Variants in FAM178B observed in about 807,000 individuals in gnomAD.
FAM178B encodes family with sequence similarity 178 member B, also known as protein FAM178B.
A neutral mutation model predicts 91.7 loss-of-function variants in FAM178B; 82 were observed. The observed-to-expected ratio is 0.89, with a 90% CI of 0.75 to 1.07. FAM178B has a LOEUF of 1.07. FAM178B is among the 50% of genes least tolerant of loss of function. The probability of loss-of-function intolerance (pLI) is 0.00; values close to 1 mark genes in which losing one functional copy is unlikely to be tolerated. For synonymous variants in FAM178B, 368 were observed against 359.4 expected, an observed-to-expected ratio of 1.02 and a Z score of -0.27; for missense variants, 769 against 846.7, an observed-to-expected ratio of 0.91 and a Z score of 1.14.
At chr2:96,889,677 C>CAAATAAATAAATAAAT (rs371885604) in intron 14 of FAM178B, among the ~76,000 whole-genome samples, 64 of 126,592 alleles carry the variant, frequency 5.1e-4, no homozygotes, top group Admixed American at 1.6e-3. Context: ...GACTCTGTCT[C>CAAATAAATAAATAAAT]AAATAAATAA....
At chr2:96,888,464 G>A (rs900145848) in intron 14 of FAM178B, among the ~76,000 whole-genome samples, 7 of 152,234 alleles carry the variant, frequency 4.6e-5, no homozygotes, top group African/African-American at 1.7e-4. Context: ...CTGTGCCCAG[G>A]GGAACACATG....
intron 13 of FAM178B, chr2:96,895,139 TTTCC>T: frequency 7.8e-7 from 1 of 1,287,342 alleles, no homozygotes; most frequent in Non-Finnish European, 1.0e-6. Flanking sequence ...TTCCCGCTCT[TTTCC>T]TTCCAGGGGA....
chr2:96,948,457 T>A (rs530690454), intron 7 of FAM178B, among the ~76,000 whole-genome samples: 1 of 152,206 alleles, frequency 6.6e-6, no homozygotes, highest in Non-Finnish European at 1.5e-5. Flanking sequence ...TCTGGGATCC[T>A]TATCTGAATG....
chr2:96,877,836 C>A, intron 16 of FAM178B, 54 bp downstream of exon 16: 1 of 1,569,980 alleles, frequency 6.4e-7, no homozygotes, highest in Non-Finnish European at 8.6e-7. Flanking sequence ...TCTGGCCAGC[C>A]CTGCCTGACC....
intron 1 of FAM178B, among the ~76,000 whole-genome samples, chr2:96,975,015 C>T (rs1417889712): frequency 3.7e-5 from 5 of 136,342 alleles, no homozygotes; most frequent in South Asian, 2.3e-4. Flanking sequence ...CGTTTGAACC[C>T]GGGAGGCGGA....
At chr2:96,889,376 CTCA>C (rs2080609603) in intron 14 of FAM178B, among the ~76,000 whole-genome samples, 1 of 152,048 alleles carries the variant, frequency 6.6e-6, no homozygotes, top group South Asian at 2.1e-4. Context: ...ATTAAAAAAC[CTCA>C]TCAATAGAAC....
At chr2:96,877,853 C>A in intron 16 of FAM178B, 37 bp downstream of exon 16, 9 of 1,599,560 alleles carry the variant, frequency 5.6e-6, no homozygotes, top group Non-Finnish European at 7.7e-6. Context: ...GACCACTTCC[C>A]GCCCCTCCCA....
chr2:96,910,308 G>A (rs899227923), intron 12 of FAM178B, among the ~76,000 whole-genome samples: 5 of 151,956 alleles, frequency 3.3e-5, no homozygotes, highest in African/African-American at 1.2e-4. Flanking sequence ...TGTCTCCCAG[G>A]AGCAGTGAGA....
intron 14 of FAM178B, among the ~76,000 whole-genome samples, chr2:96,884,631 C>T (rs1574184545): frequency 6.6e-6 from 1 of 152,196 alleles, no homozygotes; most frequent in Non-Finnish European, 1.5e-5. Context: ...AAAGGGGATG[C>T]ATTTTCCTAG....
chr2:96,985,012 G>C (rs905409860), intron 1 of FAM178B, among the ~76,000 whole-genome samples: 1 of 152,166 alleles, frequency 6.6e-6, no homozygotes, highest in African/African-American at 2.4e-5. Flanking sequence ...CACAAAGAAA[G>C]ACACAAACTG....
At chr2:96,929,119 CT>C in intron 9 of FAM178B, 86 bp downstream of exon 9, 1 of 949,592 alleles carries the variant, frequency 1.1e-6, no homozygotes, top group Non-Finnish European at 1.7e-6. Flanking sequence ...GATTATACCC[CT>C]GTATTCCAGT....
intron 14 of FAM178B, among the ~76,000 whole-genome samples, chr2:96,885,451 G>C (rs978309510): frequency 6.6e-6 from 1 of 152,236 alleles, no homozygotes; most frequent in Non-Finnish European, 1.5e-5. Flanking sequence ...TGGGCCCTGA[G>C]CAGCCCTGGC....
At chr2:96,914,685 C>G (rs1204831244) in intron 12 of FAM178B, among the ~76,000 whole-genome samples, 1 of 152,098 alleles carries the variant, frequency 6.6e-6, no homozygotes, top group Non-Finnish European at 1.5e-5. Flanking sequence ...GCCCAGGGGT[C>G]TAAGACCAGG....
At position 96,972,275 on chromosome 2, in the gene FAM178B, C is replaced by T; in HGVS notation, c.190G>A (p.Asp64Asn). Residue 64 changes from aspartate (D) to asparagine (N), a missense_variant, in exon 3 of 17, where the codon GAT becomes AAT. Transcript: ENST00000490605. ...TVPILLYNLE[D>N]GLSDHPLDQG... ...TCCAGGGGATGGTCTGACAAGCCAT[C>T]CTCCAGGTTGTACAGGAGGATGGGC... is the stretch of plus-strand genomic sequence containing the variant. The T allele has an allele frequency of 6.7e-7, 1 of 1,494,448 alleles. No individual in the cohort carries two copies. Among genetic ancestry groups the T allele is most frequent in the Non-Finnish European group, 8.9e-7 (1 of 1,121,530 alleles). 92.6% of individuals were successfully genotyped at this position (1,494,448 alleles called of 1,614,324 possible).
intron 4 of FAM178B, among the ~76,000 whole-genome samples, chr2:96,970,054 G>A (rs2082196289): frequency 6.6e-6 from 1 of 152,224 alleles, no homozygotes; most frequent in South Asian, 2.1e-4. Context: ...GACTCAGGAA[G>A]TGTGAACAAC....
Position 96,877,886 on chromosome 2 carries a change from C to G in FAM178B, c.2007+4G>C, listed in dbSNP as rs1382956063. ...CCAGGTCTGGGGGCTAGAGGGGGCA[C>G]CACCTGGGGCTGGCAGTGGGTCAGC... On this transcript the variant is annotated splice_donor_region_variant and intron_variant, in intron 16 of 16. Coordinates refer to ENST00000490605, the MANE Select transcript of FAM178B (RefSeq NM_001122646.3). 6 of 1,612,224 alleles carry G rather than the reference C, an allele frequency of 3.7e-6. No individual in the cohort carries two copies. The African/African-American group carries it at 6.7e-5, about 18-fold the overall frequency.
At position 96,957,545 on chromosome 2, in the gene FAM178B, G is replaced by A. The variant is rs369268592; in HGVS notation, c.887+2743C>T. Reference sequence around the variant, plus strand: ...GGCAGCCACCTGGCCCCATTTGGCAGGCCTGCTCTGATCCCAGGTCACCGC... The same window carrying A: ...GGCAGCCACCTGGCCCCATTTGGCAAGCCTGCTCTGATCCCAGGTCACCGC... On this transcript the variant is annotated intron_variant, in intron 6 of 16. Transcript: ENST00000490605. Among the ~76,000 whole-genome samples, 4 of 152,208 alleles carry A rather than the reference G, an allele frequency of 2.6e-5. No individual in the cohort carries two copies. The South Asian group carries it at 8.3e-4, about 32-fold the overall frequency.
intron 12 of FAM178B, among the ~76,000 whole-genome samples, chr2:96,917,093 G>A (rs1041194461): frequency 1.3e-5 from 2 of 152,180 alleles, no homozygotes; most frequent in Non-Finnish European, 2.9e-5. Context: ...AAGAAGGTGC[G>A]GAAACGGCGG....
intron 6 of FAM178B, 45 bp downstream of exon 6, chr2:96,960,243 C>G: frequency 6.5e-7 from 1 of 1,547,532 alleles, no homozygotes; most frequent in Non-Finnish European, 8.7e-7. Flanking sequence ...GGGAGGGGTC[C>G]TGGACAGGCT....
Sources: allele counts gnomAD v4.1 joint callset (sites outside exome capture counted in the v4.1 genomes callset), GRCh38; gene constraint gnomAD v4.1.1; transcripts MANE v1.5; gene names NCBI Gene and HGNC (gene_info 2026-07-23, HGNC 2026-07-21).